The following FUCA1 variants were observed in gnomAD, a reference collection of about 807,000 sequenced individuals.
FUCA1 encodes the protein alpha-L-fucosidase 1, also known as tissue alpha-L-fucosidase.
Under a neutral mutation model 56.8 loss-of-function variants are expected in FUCA1, and 52 were observed. That is an observed-to-expected ratio of 0.92 (90% confidence interval 0.73 to 1.15). The LOEUF is 1.15. Ranked by LOEUF, FUCA1 falls within the 50% of genes most tolerant of loss-of-function variation. FUCA1 has a pLI of 0.00. For synonymous variants in FUCA1, 230 were observed against 226.6 expected, an observed-to-expected ratio of 1.02 and a Z score of -0.14; for missense variants, 568 against 592.6, an observed-to-expected ratio of 0.96 and a Z score of 0.43.
intron 1 of FUCA1, among the ~76,000 whole-genome samples, chr1:23,865,989 C>G (rs1198267298): frequency 6.6e-6 from 1 of 152,178 alleles, no homozygotes; most frequent in African/African-American, 2.4e-5. Flanking sequence ...AGAAAGAGCT[C>G]TACTGGAAAT....
At chr1:23,854,969 C>A (rs1639362821) in intron 4 of FUCA1, among the ~76,000 whole-genome samples, 1 of 152,066 alleles carries the variant, frequency 6.6e-6, no homozygotes, top group South Asian at 2.1e-4. Flanking sequence ...CAGGAGAGGA[C>A]CTGCCTGGGG....
At position 23,845,127 on chromosome 1, in the gene FUCA1, T is replaced by A. The variant is rs981338660; in HGVS notation, c.*588A>T. 6.4e-6 allele frequency: 1 copy of A among 156,832 alleles called. No individual in the cohort carries two copies. The highest frequency in any genetic ancestry group is 2.4e-5 in the African/African-American group (1 of 41,466). The allele number at this position is 156,832 out of a possible 1,614,324, so 9.7% of individuals were successfully genotyped here. ...GTACAAATTTTTTATTTGATCATAC[T>A]TAAAAAGACAGAGCAGAATCACATT... On this transcript the variant is annotated 3_prime_UTR_variant, in exon 8 of 8. Coordinates refer to ENST00000374479, the MANE Select transcript of FUCA1 (RefSeq NM_000147.5).
intron 2 of FUCA1, 81 bp downstream of exon 2, chr1:23,865,410 A>G: frequency 6.3e-7 from 1 of 1,581,288 alleles, no homozygotes; most frequent in Non-Finnish European, 8.7e-7. Flanking sequence ...AACCTAGAAA[A>G]CACACGCAAG....
intron 3 of FUCA1, among the ~76,000 whole-genome samples, chr1:23,860,400 G>A (rs1007468899): frequency 2.6e-5 from 4 of 151,590 alleles, no homozygotes; most frequent in Non-Finnish European, 5.9e-5. Context: ...TGGGTAACAC[G>A]GTGAAACCCC....
At chr1:23,859,678 T>A in intron 4 of FUCA1, 120 bp downstream of exon 4, 1 of 698,656 alleles carries the variant, frequency 1.4e-6, no homozygotes, top group Non-Finnish European at 2.6e-6. Flanking sequence ...CAGTCCCTAC[T>A]GCCCCCATGT....
At chr1:23,863,736 C>T (rs970575059) in intron 2 of FUCA1, among the ~76,000 whole-genome samples, 1 of 152,080 alleles carries the variant, frequency 6.6e-6, no homozygotes, top group Admixed American at 6.6e-5. Context: ...CCTGTAGTCC[C>T]AGCTACTTGG....
chr1:23,865,077 T>C (rs1639595812), intron 2 of FUCA1, among the ~76,000 whole-genome samples: 3 of 152,184 alleles, frequency 2.0e-5, no homozygotes, highest in Non-Finnish European at 2.9e-5. Flanking sequence ...TCTCAAATTG[T>C]AGCTTGAAAG....
intron 6 of FUCA1, among the ~76,000 whole-genome samples, chr1:23,847,610 T>C (rs1240759038): frequency 6.6e-6 from 1 of 152,186 alleles, no homozygotes; most frequent in Non-Finnish European, 1.5e-5. Context: ...ACATGCCCAC[T>C]CTCATCCCCA....
chr1:23,849,495 T>C (rs1639212240), intron 5 of FUCA1, among the ~76,000 whole-genome samples: 1 of 151,930 alleles, frequency 6.6e-6, no homozygotes, highest in South Asian at 2.1e-4. Flanking sequence ...AAGCTGAGAA[T>C]TTCAGGACAT....
In FUCA1 at chr1:23,859,862, CAT is replaced by C; in HGVS notation, c.702_703del (p.Cys235SerfsTer2). 1.9e-6 allele frequency: 3 copies of C among 1,613,540 alleles called. No homozygotes were observed. The highest frequency in any genetic ancestry group is 2.5e-6 in the Non-Finnish European group (3 of 1,179,480). On this transcript the variant is annotated frameshift_variant, in exon 4 of 8. Transcript: ENST00000374479. LOFTEE classifies it high-confidence loss of function. ...TGTGGAGTTCCAGTAAGTATCAGGACATTCCCACTCCCCATCAGACCAGATCA... is the reference window on the plus strand; with the variant it reads ...TGTGGAGTTCCAGTAAGTATCAGGACTCCCACTCCCCATCAGACCAGATCA...
intron 3 of FUCA1, among the ~76,000 whole-genome samples, chr1:23,861,203 G>A (rs905630144): frequency 2.6e-5 from 4 of 151,146 alleles, no homozygotes; most frequent in Admixed American, 6.6e-5. Context: ...GGCGCCTGTA[G>A]TCCCAGCTAC....
chr1:23,846,630 G>A (rs1204422035), intron 6 of FUCA1, among the ~76,000 whole-genome samples: 1 of 151,596 alleles, frequency 6.6e-6, no homozygotes, highest in Non-Finnish European at 1.5e-5. Context: ...TGTCCAGGAT[G>A]GAGTGCAGTG....
intron 5 of FUCA1, 46 bp from the exon 6 acceptor site, chr1:23,848,885 C>T (rs2148438843): frequency 1.4e-6 from 2 of 1,477,810 alleles, no homozygotes; most frequent in Non-Finnish European, 1.9e-6. Context: ...AATGCCAAGC[C>T]TGGCATCATG....
chr1:23,845,940 C>T lies in FUCA1; in HGVS notation c.1261-85G>A, dbSNP rs879437451. On this transcript the variant is annotated intron_variant, in intron 7 of 7. Transcript: ENST00000374479. ...GGCTGACTATGGTAGGAAACAGCCA[C>T]GCTGGGCCAGGGCAGGAAAGCCAGT... The T allele has an allele frequency of 3.3e-5, 51 of 1,568,164 alleles. 1 individual carries two copies. In the Middle Eastern group the frequency reaches 5.0e-4, roughly 15 times the overall value.
chr1:23,855,006 T>C (rs567372490), intron 4 of FUCA1, among the ~76,000 whole-genome samples: 1 of 151,840 alleles, frequency 6.6e-6, no homozygotes, highest in South Asian at 2.1e-4. Flanking sequence ...TTTCAAAAGC[T>C]GGAACTACAA....
rs956479346 is a variant in FUCA1, at chr1:23,867,833, C to T, written c.389+65G>A. 3.4e-6 allele frequency: 5 copies of T among 1,488,954 alleles called. No individual in the cohort carries two copies. The South Asian group carries it at 6.5e-5, about 19-fold the overall frequency. 92.2% of individuals were successfully genotyped at this position (1,488,954 alleles called of 1,614,324 possible). ...GCAGCTGCGCGCCCCAGCTGGCCGC[C>T]CAGCCCCACCTCCTGTTTGCCGCCC... On this transcript the variant is annotated intron_variant, in intron 1 of 7. Transcript: ENST00000374479. The surrounding 1 kb of genome is among the most constrained non-coding windows in gnomAD (Gnocchi z 4.9).
At chr1:23,857,694 G>A (rs1052316022) in intron 4 of FUCA1, among the ~76,000 whole-genome samples, 2 of 151,092 alleles carry the variant, frequency 1.3e-5, no homozygotes, top group Admixed American at 6.6e-5. Context: ...TTGAGACAGA[G>A]TCTCGCTCTG....
intron 2 of FUCA1, among the ~76,000 whole-genome samples, chr1:23,863,582 TG>T (rs1189526367): frequency 6.6e-6 from 1 of 152,240 alleles, no homozygotes; most frequent in African/African-American, 2.4e-5. Flanking sequence ...CTGGGCGCAG[TG>T]GCTCATGCCT....
chr1:23,859,964 T>C, intron 3 of FUCA1, 61 bp from the exon 4 acceptor site: 1 of 1,203,328 alleles, frequency 8.3e-7, no homozygotes. Flanking sequence ...TAAAATCTTA[T>C]GGACCATTTT....
Sources: allele counts gnomAD v4.1 joint callset (sites outside exome capture counted in the v4.1 genomes callset), GRCh38; gene constraint gnomAD v4.1.1; non-coding constraint Gnocchi (gnomAD v3.1); transcripts MANE v1.5; gene names NCBI Gene and HGNC (gene_info 2026-07-23, HGNC 2026-07-21).